The following ANKHD1 variants were observed in gnomAD, a reference collection of about 807,000 sequenced individuals.
ANKHD1 encodes the protein ankyrin repeat and KH domain-containing protein 1.
ANKHD1 carries 31 observed loss-of-function variants against 230.5 expected under a neutral mutation model. The observed-to-expected ratio is 0.13, with a 90% CI of 0.10 to 0.18. The LOEUF (loss-of-function observed/expected upper bound fraction) is 0.18, where lower values mean the gene tolerates loss of function less well. Ranked by LOEUF, ANKHD1 falls within the 10% of genes least tolerant of loss-of-function variation. The pLI is 1.00. For synonymous variants in ANKHD1, 1,074 were observed against 1,117.6 expected (o/e 0.96, Z 0.78); for missense variants, 2,256 against 3,071.3 (o/e 0.73, Z 6.27).
At chr5:140,441,194 C>T in intron 5 of ANKHD1, 52 bp downstream of exon 5, 1 of 1,436,382 alleles carries the variant, frequency 7.0e-7, no homozygotes, top group Non-Finnish European at 9.1e-7. Flanking sequence ...ATAATTATTA[C>T]CTGAGAGAGA....
Position 140,485,978 on chromosome 5 carries a change from CTAAGT to C in ANKHD1, c.2142+248_2142+252del. 2.2e-6 allele frequency: 1 copy of C among 462,566 alleles called. No individual in the cohort carries two copies. Among genetic ancestry groups the C allele is most frequent in the Non-Finnish European group, 3.6e-6 (1 of 274,304 alleles). The allele number at this position is 462,566 out of a possible 1,614,324, so 28.7% of individuals were successfully genotyped here. A position where few individuals can be genotyped will look rare whatever the true frequency, so the allele number is the denominator to read the frequency against. ...AATATCAAATATAAACGTAAGTATT[CTAAGT>C]TGTTATCTTATTACAACTAGGTTTT... On this transcript the variant is annotated intron_variant, in intron 13 of 33. Transcript: ENST00000360839. The surrounding 1 kb of genome is among the most constrained non-coding windows in gnomAD (Gnocchi z 4.8).
intron 3 of ANKHD1, 133 bp downstream of exon 3, chr5:140,438,750 A>C: frequency 8.2e-7 from 1 of 1,215,054 alleles, no homozygotes; most frequent in Non-Finnish European, 1.1e-6. Flanking sequence ...TTTTAAGTGG[A>C]TATATAAATG....
At chr5:140,491,080 ATGTG>A (rs1356342178) in intron 14 of ANKHD1, among the ~76,000 whole-genome samples, 3 of 126,224 alleles carry the variant, frequency 2.4e-5, no homozygotes, top group Non-Finnish European at 5.0e-5. Context: ...GTATGTATAT[ATGTG>A]TGTGTGTGTA....
At position 140,436,967 on chromosome 5, in the gene ANKHD1, A is replaced by G. The variant is rs150267473; in HGVS notation, c.460+710A>G. Among the ~76,000 whole-genome samples, 156 of 152,356 alleles carry G rather than the reference A, an allele frequency of 1.0e-3. 5 individuals are homozygous for G. Among genetic ancestry groups the G allele is most frequent in the East Asian group, 6.6e-3 (34 of 5,190 alleles). On this transcript the variant is annotated intron_variant, in intron 2 of 33. Coordinates refer to ENST00000360839, the MANE Select transcript of ANKHD1 (RefSeq NM_017747.3). The stretch of plus-strand genomic sequence containing the variant: ...TTTTATATGTAATGCATATTATAAA[A>G]TAGCTAAAGCAATGTGAAATATATT...
chr5:140,519,315 A>G (rs1753203515), intron 24 of ANKHD1, among the ~76,000 whole-genome samples: 1 of 152,190 alleles, frequency 6.6e-6, no homozygotes, highest in Admixed American at 6.5e-5. Flanking sequence ...CATGCTCATG[A>G]GTAGGAAGAA....
At chr5:140,539,213 C>A in intron 33 of ANKHD1, 130 bp downstream of exon 33, 1 of 1,516,194 alleles carries the variant, frequency 6.6e-7, no homozygotes, top group Admixed American at 2.2e-5. Flanking sequence ...TTTTCAATAT[C>A]AAGATGATGC....
chr5:140,465,622 C>A (rs907168607), intron 10 of ANKHD1, among the ~76,000 whole-genome samples: 2 of 152,090 alleles, frequency 1.3e-5, no homozygotes, highest in African/African-American at 2.4e-5. Context: ...AAAAACTATG[C>A]AAGTATTACC....
intron 24 of ANKHD1, among the ~76,000 whole-genome samples, chr5:140,519,962 A>T (rs1753242646): frequency 6.6e-6 from 1 of 152,080 alleles, no homozygotes; most frequent in Non-Finnish European, 1.5e-5. Context: ...TCTGCACAGC[A>T]AAAGAAACTA....
rs141058377 is a variant in ANKHD1, at chr5:140,436,741, G to A, written c.460+484G>A. Among the ~76,000 whole-genome samples the A allele has an allele frequency of 4.7e-3, 683 of 145,588 alleles. 4 individuals carry two copies. The highest frequency in any genetic ancestry group is 0.017 in the African/African-American group (663 of 39,492). The stretch of plus-strand genomic sequence containing the variant: ...ATCCTGGGCAACAGAGCGAGACTCC[G>A]TCTGAAAAAAAAAAAAAAAAGATAA... On this transcript the variant is annotated intron_variant, in intron 2 of 33. Transcript: ENST00000360839.
At chr5:140,533,691 T>C (rs1039941565) in intron 29 of ANKHD1, among the ~76,000 whole-genome samples, 24 of 150,764 alleles carry the variant, frequency 1.6e-4, no homozygotes, top group African/African-American at 5.9e-4. Flanking sequence ...GGAGGATTGC[T>C]TGAGCCCAGA....
At chr5:140,403,653 A>G (rs533847511) in intron 1 of ANKHD1, among the ~76,000 whole-genome samples, 1 of 152,078 alleles carries the variant, frequency 6.6e-6, no homozygotes, top group African/African-American at 2.4e-5. Flanking sequence ...TTGTGATCCC[A>G]AGGGGCGGTA....
At chr5:140,504,727 T>C in intron 15 of ANKHD1, 94 bp from the exon 16 acceptor site, 1 of 1,490,156 alleles carries the variant, frequency 6.7e-7, no homozygotes, top group Non-Finnish European at 9.0e-7. Context: ...TACTACATAT[T>C]ACTGCTATGG....
rs867156247 is a variant in ANKHD1, at chr5:140,462,740, G to A, written c.1673-1927G>A. Among the ~76,000 whole-genome samples the A allele has an allele frequency of 9.7e-3, 828 of 85,616 alleles. 21 individuals are homozygous for A. The highest frequency in any genetic ancestry group is 0.02 in the Middle Eastern group (3 of 152). 56.2% of individuals were successfully genotyped at this position (85,616 alleles called of 152,430 possible). ...ACTCCATCTCAAAAAAAAAAAAAAAGAATGGCAAGAAAAATGTTTGTCTTT... is the reference window on the plus strand; with the variant it reads ...ACTCCATCTCAAAAAAAAAAAAAAAAAATGGCAAGAAAAATGTTTGTCTTT... On this transcript the variant is annotated intron_variant, in intron 9 of 33. Coordinates refer to ENST00000360839, the MANE Select transcript of ANKHD1 (RefSeq NM_017747.3).
At chr5:140,451,435 A>AT (rs1263046535) in intron 7 of ANKHD1, among the ~76,000 whole-genome samples, 1 of 152,222 alleles carries the variant, frequency 6.6e-6, no homozygotes, top group African/African-American at 2.4e-5. Context: ...ATCAAAAGTG[A>AT]TTAAGGCTGG....
chr5:140,407,295 C>A (rs1237137410), intron 1 of ANKHD1, among the ~76,000 whole-genome samples: 1,051 of 120,144 alleles, frequency 8.7e-3, no homozygotes, highest in Non-Finnish European at 8.9e-3. Context: ...ACTCCATCTC[C>A]AAAAAAAAAA....
intron 24 of ANKHD1, among the ~76,000 whole-genome samples, chr5:140,522,398 C>T (rs1753391887): frequency 6.6e-6 from 1 of 152,184 alleles, no homozygotes; most frequent in Non-Finnish European, 1.5e-5. Context: ...GCTTCCACTT[C>T]TTGGCAATTA....
At chr5:140,462,763 T>C (rs991770796) in intron 9 of ANKHD1, among the ~76,000 whole-genome samples, 8 of 146,932 alleles carry the variant, frequency 5.4e-5, no homozygotes, top group African/African-American at 2.0e-4. Context: ...AATGTTTGTC[T>C]TTTTTTCCCC....
At chr5:140,404,377 T>C (rs1346156937) in intron 1 of ANKHD1, among the ~76,000 whole-genome samples, 3 of 152,188 alleles carry the variant, frequency 2.0e-5, no homozygotes, top group African/African-American at 7.2e-5. Flanking sequence ...TACATAATTG[T>C]CATGGGTGAG....
intron 3 of ANKHD1, among the ~76,000 whole-genome samples, chr5:140,438,967 A>G (rs1454021573): frequency 6.6e-6 from 1 of 152,128 alleles, no homozygotes; most frequent in Non-Finnish European, 1.5e-5. Flanking sequence ...AATACATGAA[A>G]CGAGTTACTA....
Sources: allele counts gnomAD v4.1 joint callset (sites outside exome capture counted in the v4.1 genomes callset), GRCh38; gene constraint gnomAD v4.1.1; non-coding constraint Gnocchi (gnomAD v3.1); transcripts MANE v1.5; gene names NCBI Gene and HGNC (gene_info 2026-07-23, HGNC 2026-07-21).